RAD51B: variants seen among roughly 807,000 people sequenced by gnomAD.
RAD51B encodes the protein RAD51 paralog B, also known as DNA repair protein RAD51 homolog 2.
A neutral mutation model predicts 42.2 loss-of-function variants in RAD51B; 38 were observed. The observed-to-expected ratio is 0.90, with a 90% confidence interval of 0.70 to 1.18. The LOEUF is 1.18. Ranked by LOEUF, RAD51B falls within the 50% of genes most tolerant of loss-of-function variation. The probability of loss-of-function intolerance (pLI) is 0.00; values close to 1 mark genes in which losing one functional copy is unlikely to be tolerated. For synonymous variants in RAD51B, 154 were observed against 145.2 expected (o/e 1.06, Z -0.43); for missense variants, 373 against 400.7 (o/e 0.93, Z 0.59).
intron 5 of RAD51B, among the ~76,000 whole-genome samples, chr14:67,869,407 G>C (rs1328787560): frequency 6.6e-6 from 1 of 151,978 alleles, no homozygotes; most frequent in South Asian, 2.1e-4. Flanking sequence ...AAAGAAATGA[G>C]CAAAGCCTCC....
At chr14:68,092,795 C>T (rs2077124008) in intron 7 of RAD51B, among the ~76,000 whole-genome samples, 1 of 152,116 alleles carries the variant, frequency 6.6e-6, no homozygotes, top group Non-Finnish European at 1.5e-5. Context: ...AAAGGGAATG[C>T]TTCCAGTTTT....
intron 7 of RAD51B, among the ~76,000 whole-genome samples, chr14:68,258,196 G>A (rs2080794454): frequency 6.6e-6 from 1 of 152,106 alleles, no homozygotes; most frequent in South Asian, 2.1e-4. Flanking sequence ...GAGGCCAGGA[G>A]TTTGAGACCA....
intron 7 of RAD51B, among the ~76,000 whole-genome samples, chr14:68,100,357 A>T (rs2077267592): frequency 6.6e-6 from 1 of 152,072 alleles, no homozygotes; most frequent in Admixed American, 6.5e-5. Context: ...ATTTATTTAA[A>T]TTTTTTTAGA....
At chr14:68,392,452 A>T (rs985107128) in intron 8 of RAD51B, among the ~76,000 whole-genome samples, 2 of 152,112 alleles carry the variant, frequency 1.3e-5, no homozygotes, top group East Asian at 3.9e-4. Flanking sequence ...GCCTGTCTCC[A>T]TATCTCTTTA....
chr14:68,328,155 C>G lies in RAD51B; in HGVS notation c.853+36175C>G, dbSNP rs564996970. Among the ~76,000 whole-genome samples, 13 of 152,244 alleles carry G rather than the reference C, an allele frequency of 8.5e-5. No individual in the cohort carries two copies. In the East Asian group the frequency reaches 2.5e-3, roughly 29 times the overall value. On this transcript the variant is annotated intron_variant, in intron 8 of 10. Coordinates refer to ENST00000471583, the MANE Select transcript of RAD51B (RefSeq NM_133510.4). The stretch of plus-strand genomic sequence containing the variant: ...CCTAAAGTCACTGCAAAATTTTGAT[C>G]AGAACATTACTGAACCAGGACACAA...
chr14:68,346,577 C>G (rs116762791), intron 8 of RAD51B, among the ~76,000 whole-genome samples: 1 of 152,224 alleles, frequency 6.6e-6, no homozygotes, highest in Non-Finnish European at 1.5e-5. Context: ...ATCCAGCAGT[C>G]GCACTCTGTA....
Position 67,933,522 on chromosome 14 carries a change from G to T in RAD51B, c.756+46318G>T, listed in dbSNP as rs74755312. 7.7e-4 allele frequency among the ~76,000 whole-genome samples: 118 copies of T among 152,306 alleles called. 1 individual carries two copies. In the East Asian group the frequency reaches 0.023, roughly 29 times the overall value. On this transcript the variant is annotated intron_variant, in intron 7 of 10. Transcript: ENST00000471583. ...ACCACCCTTGCTAGTATCAGGGTTT[G>T]TGTGGGTAGAGGAGCTCTCCCATGG...
intron 7 of RAD51B, among the ~76,000 whole-genome samples, chr14:68,252,051 C>T (rs908850458): frequency 6.6e-6 from 1 of 152,136 alleles, no homozygotes; most frequent in East Asian, 1.9e-4. Flanking sequence ...CTTTTTGAGT[C>T]CCTTATTTCT....
intron 8 of RAD51B, among the ~76,000 whole-genome samples, chr14:68,311,482 G>A (rs1193207224): frequency 6.6e-6 from 1 of 152,244 alleles, no homozygotes; most frequent in Middle Eastern, 3.4e-3. Context: ...AGCTATCTCA[G>A]CTCAAGATCA....
intron 7 of RAD51B, among the ~76,000 whole-genome samples, chr14:68,003,031 G>A (rs927342328): frequency 2.0e-5 from 3 of 152,112 alleles, no homozygotes; most frequent in African/African-American, 7.2e-5. Context: ...GGTTCCATAT[G>A]AATTTTTAAA....
In RAD51B at chr14:67,914,277, C is replaced by G. The variant is rs372456170; in HGVS notation, c.756+27073C>G. Among the ~76,000 whole-genome samples, 9 of 152,240 alleles carry G rather than the reference C, an allele frequency of 5.9e-5. 1 individual carries two copies. Among genetic ancestry groups the G allele is most frequent in the African/African-American group, 2.2e-4 (9 of 41,538 alleles). ...GGATTATAGGTCTGAGCCCCTGTGC[C>G]CGGCCAAGTGTTTTAATTTTTAGCT... On this transcript the variant is annotated intron_variant, in intron 7 of 10. Coordinates refer to ENST00000471583, the MANE Select transcript of RAD51B (RefSeq NM_133510.4).
chr14:68,201,548 A>G (rs1302838998), intron 7 of RAD51B, among the ~76,000 whole-genome samples: 1 of 152,254 alleles, frequency 6.6e-6, no homozygotes, highest in Non-Finnish European at 1.5e-5. Context: ...CTTAGGACAT[A>G]GGCTGTAGAA....
At chr14:68,494,493 A>C (rs1884348165) in intron 10 of RAD51B, among the ~76,000 whole-genome samples, 1 of 152,130 alleles carries the variant, frequency 6.6e-6, no homozygotes. Flanking sequence ...GAAAACACCA[A>C]CAAGGCTATC....
intron 7 of RAD51B, among the ~76,000 whole-genome samples, chr14:68,281,257 T>C (rs906207568): frequency 6.6e-6 from 1 of 151,992 alleles, no homozygotes; most frequent in Admixed American, 6.6e-5. Flanking sequence ...CCATGAGAAA[T>C]AGAGAAATTA....
At chr14:68,178,140 T>C (rs1881417811) in intron 7 of RAD51B, among the ~76,000 whole-genome samples, 1 of 152,056 alleles carries the variant, frequency 6.6e-6, no homozygotes, top group African/African-American at 2.4e-5. Flanking sequence ...TGAAACCCTA[T>C]CTCTTTGCGG....
At chr14:68,531,508 A>T (rs1176018874) in intron 10 of RAD51B, among the ~76,000 whole-genome samples, 1 of 152,202 alleles carries the variant, frequency 6.6e-6, no homozygotes, top group Non-Finnish European at 1.5e-5. Flanking sequence ...GGATAGAGAG[A>T]TATATAATGA....
At chr14:68,094,005 C>T (rs961557212) in intron 7 of RAD51B, among the ~76,000 whole-genome samples, 8 of 152,212 alleles carry the variant, frequency 5.3e-5, no homozygotes, top group Non-Finnish European at 7.3e-5. Context: ...TCTTTGCCAA[C>T]ATTTTATATG....
chr14:68,338,649 C>T, intron 8 of RAD51B: 2 of 312,860 alleles, frequency 6.4e-6, no homozygotes, highest in Non-Finnish European at 1.2e-5. Context: ...TTTATGCTTG[C>T]CATATTTTTT....
chr14:68,098,065 T>C (rs2077224988), intron 7 of RAD51B, among the ~76,000 whole-genome samples: 1 of 152,242 alleles, frequency 6.6e-6, no homozygotes. Flanking sequence ...TAGACATTTA[T>C]GTACAGTCTC....
Sources: allele counts gnomAD v4.1 joint callset (sites outside exome capture counted in the v4.1 genomes callset), GRCh38; gene constraint gnomAD v4.1.1; transcripts MANE v1.5; gene names NCBI Gene and HGNC (gene_info 2026-07-23, HGNC 2026-07-21).